Variants in RPTOR observed in about 807,000 individuals in gnomAD.
RPTOR encodes regulatory-associated protein of mTOR.
A neutral mutation model predicts 169.9 loss-of-function variants in RPTOR; 21 were observed. The ratio of observed to expected loss-of-function variants is 0.12; its 90% CI spans 0.09 to 0.18. The LOEUF (loss-of-function observed/expected upper bound fraction) is 0.18. RPTOR is among the 10% of genes least tolerant of loss of function. The probability of loss-of-function intolerance (pLI) is 1.00; values close to 1 mark genes in which losing one functional copy is unlikely to be tolerated. For synonymous variants in RPTOR, 732 were observed against 753.2 expected, an observed-to-expected ratio of 0.97 and a Z score of 0.46; for missense variants, 1,133 against 1,855.9, an observed-to-expected ratio of 0.61 and a Z score of 7.16.
At chr17:80,780,682 C>T (rs901330955) in intron 6 of RPTOR, among the ~76,000 whole-genome samples, 3 of 152,170 alleles carry the variant, frequency 2.0e-5, no homozygotes, top group Admixed American at 6.5e-5. Flanking sequence ...GGAATTTGCA[C>T]ACACGTCAGG....
intron 20 of RPTOR, among the ~76,000 whole-genome samples, chr17:80,906,243 C>T (rs765345334): frequency 5.9e-5 from 9 of 152,138 alleles, no homozygotes; most frequent in East Asian, 1.9e-4. Flanking sequence ...CAGCCATCGC[C>T]GATGTCCTTG....
At chr17:80,862,048 C>T (rs1169314208) in intron 13 of RPTOR, among the ~76,000 whole-genome samples, 1 of 152,126 alleles carries the variant, frequency 6.6e-6, no homozygotes, top group African/African-American at 2.4e-5. Context: ...AGCGTGCCTT[C>T]GTTTTACACC....
intron 1 of RPTOR, among the ~76,000 whole-genome samples, chr17:80,547,476 TAA>T (rs940323467): frequency 6.6e-6 from 1 of 152,252 alleles, no homozygotes; most frequent in Non-Finnish European, 1.5e-5. Flanking sequence ...CATTCCCTAA[TAA>T]GCTTTTCACA....
At chr17:80,788,915 G>C (rs766185821) in intron 6 of RPTOR, among the ~76,000 whole-genome samples, 2 of 152,146 alleles carry the variant, frequency 1.3e-5, no homozygotes, top group Non-Finnish European at 2.9e-5. Flanking sequence ...GAAAGAAATC[G>C]TATAAAATGT....
At chr17:80,705,247 A>T (rs1210923680) in intron 3 of RPTOR, among the ~76,000 whole-genome samples, 1 of 152,080 alleles carries the variant, frequency 6.6e-6, no homozygotes, top group East Asian at 1.9e-4. Flanking sequence ...CTCCTTCGTG[A>T]CTCTGCTTTA....
intron 6 of RPTOR, among the ~76,000 whole-genome samples, chr17:80,760,807 A>G (rs1376252532): frequency 6.6e-6 from 1 of 152,004 alleles, no homozygotes; most frequent in East Asian, 1.9e-4. Flanking sequence ...TGTAAATAAG[A>G]GAAACGGTTT....
intron 3 of RPTOR, among the ~76,000 whole-genome samples, chr17:80,671,475 A>AT (rs2065821601): frequency 6.6e-6 from 1 of 152,294 alleles, no homozygotes; most frequent in South Asian, 2.1e-4. Flanking sequence ...CTCTCTGTCA[A>AT]TAGTGCTGAG....
chr17:80,684,511 C>T (rs943204767), intron 3 of RPTOR, among the ~76,000 whole-genome samples: 1 of 150,822 alleles, frequency 6.6e-6, no homozygotes, highest in Non-Finnish European at 1.5e-5. Flanking sequence ...GTGGTGTGAT[C>T]TCGGCTCACT....
rs939600588 is a variant in RPTOR at position 80,746,379 on chromosome 17, C to T, written c.655-7631C>T. 3.3e-5 allele frequency among the ~76,000 whole-genome samples: 5 copies of T among 152,174 alleles called. No homozygotes were observed. Among genetic ancestry groups the T allele is most frequent in the East Asian group, 1.9e-4 (1 of 5,174 alleles). Reference sequence around the variant, plus strand: ...CCACAGCGGTGCTTTCTGCAGGGAGCGGACGGCAGGCCTGGGGCGTGCTGC... The same window carrying T: ...CCACAGCGGTGCTTTCTGCAGGGAGTGGACGGCAGGCCTGGGGCGTGCTGC... On this transcript the variant is annotated intron_variant, in intron 5 of 33. Coordinates refer to ENST00000306801, the MANE Select transcript of RPTOR (RefSeq NM_020761.3). This position sits in a 1 kb window ranked among gnomAD's most constrained non-coding sequence, Gnocchi z 4.5.
At chr17:80,774,311 GAAGCCGC>G in intron 6 of RPTOR, 1 of 985,414 alleles carries the variant, frequency 1.0e-6, no homozygotes, top group South Asian at 4.7e-5. Flanking sequence ...TTTGGAAGTG[GAAGCCGC>G]AATGTCATGT....
At chr17:80,702,592 A>C (rs1454338069) in intron 3 of RPTOR, among the ~76,000 whole-genome samples, 1 of 152,196 alleles carries the variant, frequency 6.6e-6, no homozygotes, top group Non-Finnish European at 1.5e-5. Context: ...ATTAATTCCC[A>C]TGAAGCCCCA....
At chr17:80,795,871 G>A (rs965088289) in intron 7 of RPTOR, among the ~76,000 whole-genome samples, 1 of 152,130 alleles carries the variant, frequency 6.6e-6, no homozygotes, top group African/African-American at 2.4e-5. Context: ...TCCGCCTCCC[G>A]CCAGACACTT....
In RPTOR at chr17:80,598,438, GTACTGT is replaced by G. The variant is rs2065159711; in HGVS notation, c.163-27251_163-27246del. ...AAGAATCAATTCAGATTTCTGGGTTGTACTGTTTTTGATATTGTATTCTAAGATGGT... is the reference window on the plus strand; with the variant it reads ...AAGAATCAATTCAGATTTCTGGGTTGTTTTGATATTGTATTCTAAGATGGT... On this transcript the variant is annotated intron_variant, in intron 1 of 33. Coordinates refer to ENST00000306801, the MANE Select transcript of RPTOR (RefSeq NM_020761.3). Among the ~76,000 whole-genome samples, 2 of 152,172 alleles carry G rather than the reference GTACTGT, an allele frequency of 1.3e-5. 1 individual carries two copies. The highest frequency in any genetic ancestry group is 1.3e-4 in the Admixed American group (2 of 15,276).
In RPTOR at chr17:80,861,252, A is replaced by G. The variant is rs1369398461; in HGVS notation, c.1509+3352A>G. On this transcript the variant is annotated intron_variant, in intron 13 of 33. Transcript: ENST00000306801. This position sits in a 1 kb window ranked among gnomAD's most constrained non-coding sequence, Gnocchi z 4.5. Reference sequence around the variant, plus strand: ...AGCCTTCGGCCGTCTGCCTTCAGCCACAGTTCCAGAGCTCAGAACCAGGAC... The same window carrying G: ...AGCCTTCGGCCGTCTGCCTTCAGCCGCAGTTCCAGAGCTCAGAACCAGGAC... Among the ~76,000 whole-genome samples the G allele has an allele frequency of 2.1e-5, 3 of 144,524 alleles. No individual in the cohort carries two copies. Among genetic ancestry groups the G allele is most frequent in the Non-Finnish European group, 4.7e-5 (3 of 63,994 alleles). 94.8% of individuals were successfully genotyped at this position (144,524 alleles called of 152,430 possible). A position where few individuals can be genotyped will look rare whatever the true frequency, so the allele number is the denominator to read the frequency against.
In RPTOR at chr17:80,880,425, C is replaced by A. The variant is rs2068173704; in HGVS notation, c.1520C>A (p.Ala507Glu). The A allele has an allele frequency of 6.2e-7, 1 of 1,613,724 alleles. No homozygotes were observed. The highest frequency in any genetic ancestry group is 1.3e-5 in the African/African-American group (1 of 75,050). The change falls in exon 14 of 34, where the codon GCG (alanine) becomes GAG (glutamate). Residue 507 changes from alanine (A) to glutamate (E), a missense_variant. Physicochemically the swap from Ala to Glu is moderately radical, Grantham distance 107. Coordinates refer to ENST00000306801, the MANE Select transcript of RPTOR (RefSeq NM_020761.3). Reference sequence around the variant, plus strand: ...TCTCTTTCTGTCCAGTCGTGCCAAGCGGACCTCGTGAAGGACAACGGCCAC... The same window carrying A: ...TCTCTTTCTGTCCAGTCGTGCCAAGAGGACCTCGTGAAGGACAACGGCCAC... ...KILAVDSSCQADLVKDNGHKY... is the reference protein window; with the variant it reads ...KILAVDSSCQEDLVKDNGHKY...
At chr17:80,908,133 C>T (rs1029143068) in intron 20 of RPTOR, among the ~76,000 whole-genome samples, 1 of 152,238 alleles carries the variant, frequency 6.6e-6, no homozygotes, top group Non-Finnish European at 1.5e-5. Flanking sequence ...CAGCGCTTCC[C>T]TCCATGCCCA....
chr17:80,703,959 G>C (rs538228211), intron 3 of RPTOR, among the ~76,000 whole-genome samples: 1 of 152,210 alleles, frequency 6.6e-6, no homozygotes, highest in Non-Finnish European at 1.5e-5. Flanking sequence ...TGTTTATGCA[G>C]GTCTTATAGC....
intron 24 of RPTOR, among the ~76,000 whole-genome samples, chr17:80,934,672 C>T (rs1286454001): frequency 6.6e-6 from 1 of 152,126 alleles, no homozygotes; most frequent in Non-Finnish European, 1.5e-5. Flanking sequence ...GAGTTTTTAA[C>T]TAAAAACTCA....
chr17:80,884,931 C>A, intron 16 of RPTOR, 77 bp from the exon 17 acceptor site: 1 of 1,527,984 alleles, frequency 6.5e-7, no homozygotes, highest in Non-Finnish European at 8.8e-7. Flanking sequence ...TTCACCTGCA[C>A]ACACAGCCCT....
Sources: allele counts gnomAD v4.1 joint callset (sites outside exome capture counted in the v4.1 genomes callset), GRCh38; gene constraint gnomAD v4.1.1; non-coding constraint Gnocchi (gnomAD v3.1); transcripts MANE v1.5; gene names NCBI Gene and HGNC (gene_info 2026-07-23, HGNC 2026-07-21).